The following XKR4 variants were observed in gnomAD, a reference collection of about 807,000 sequenced individuals.
XKR4 encodes the protein XK related 4, also known as XK-related protein 4.
XKR4 carries 12 observed loss-of-function variants against 53.9 expected under a neutral mutation model. The observed-to-expected ratio is 0.22, with a 90% confidence interval of 0.14 to 0.36. XKR4 has a LOEUF of 0.36. XKR4 is among the 10% of genes least tolerant of loss of function. The pLI, the probability that XKR4 is intolerant of heterozygous loss-of-function variation, is 1.00. For missense variants in XKR4, 799 were observed against 859.5 expected (o/e 0.93, Z 0.88); for synonymous variants, 354 against 362.4 (o/e 0.98, Z 0.26).
In XKR4 at chr8:55,329,078, C is replaced by A. The variant is rs887980570; in HGVS notation, c.807-28600C>A. On this transcript the variant is annotated intron_variant, in intron 1 of 2. Coordinates refer to ENST00000327381, the MANE Select transcript of XKR4 (RefSeq NM_052898.2). The stretch of plus-strand genomic sequence containing the variant: ...CCTCAGTGAATATGCATTGAATCTT[C>A]ATAACAATCCTGATTTAATAGTGTT... Among the ~76,000 whole-genome samples, 7 of 152,152 alleles carry A rather than the reference C, an allele frequency of 4.6e-5. No homozygotes were observed. In the South Asian group the frequency reaches 6.2e-4, roughly 14 times the overall value.
At chr8:55,333,051 G>T (rs973120358) in intron 1 of XKR4, among the ~76,000 whole-genome samples, 1 of 151,132 alleles carries the variant, frequency 6.6e-6, no homozygotes, top group Non-Finnish European at 1.5e-5. Context: ...ATATTTTTTA[G>T]CTCCAGGATT....
At chr8:55,288,961 G>A (rs1818945641) in intron 1 of XKR4, among the ~76,000 whole-genome samples, 1 of 152,030 alleles carries the variant, frequency 6.6e-6, no homozygotes, top group Non-Finnish European at 1.5e-5. Context: ...TGGTTATCTG[G>A]ACATCCCACC....
At chr8:55,485,400 AG>A (rs1806177011) in intron 2 of XKR4, among the ~76,000 whole-genome samples, 1 of 152,232 alleles carries the variant, frequency 6.6e-6, no homozygotes, top group African/African-American at 2.4e-5. Context: ...AGAACTAAAA[AG>A]TTCAGCAAGC....
intron 1 of XKR4, among the ~76,000 whole-genome samples, chr8:55,140,950 T>C (rs1816693744): frequency 1.3e-5 from 2 of 152,238 alleles, no homozygotes; most frequent in African/African-American, 4.8e-5. Flanking sequence ...CATTTTTTAA[T>C]AAACAGTTTT....
intron 2 of XKR4, among the ~76,000 whole-genome samples, chr8:55,448,585 A>T (rs1157834979): frequency 6.6e-6 from 1 of 152,198 alleles, no homozygotes; most frequent in Non-Finnish European, 1.5e-5. Context: ...TAACTAGCAC[A>T]TTTTATTTAT....
chr8:55,436,558 T>C (rs1805179463), intron 2 of XKR4, among the ~76,000 whole-genome samples: 1 of 152,210 alleles, frequency 6.6e-6, no homozygotes, highest in Non-Finnish European at 1.5e-5. Context: ...TTGGACTTCC[T>C]TGGGCCATGC....
intron 1 of XKR4, among the ~76,000 whole-genome samples, chr8:55,186,124 T>A (rs934115783): frequency 7.9e-5 from 12 of 152,302 alleles, no homozygotes; most frequent in Middle Eastern, 3.4e-3. Context: ...CCCACCCTTC[T>A]GGCTGCAAAC....
At chr8:55,349,448 C>A (rs572521187) in intron 1 of XKR4, among the ~76,000 whole-genome samples, 13 of 152,274 alleles carry the variant, frequency 8.5e-5, no homozygotes, top group Admixed American at 2.0e-4. Flanking sequence ...TCAGCCATAT[C>A]ACCTTGGACA....
intron 1 of XKR4, among the ~76,000 whole-genome samples, chr8:55,156,292 A>T (rs145730598): frequency 6.6e-6 from 1 of 152,180 alleles, no homozygotes; most frequent in East Asian, 1.9e-4. Flanking sequence ...AAATGTAAGA[A>T]AAAAACATGA....
chr8:55,108,904 T>C (rs928017861), intron 1 of XKR4, among the ~76,000 whole-genome samples: 3 of 152,144 alleles, frequency 2.0e-5, no homozygotes, highest in Admixed American at 2.0e-4. Flanking sequence ...GATTTTAAGC[T>C]AGAACTCAAT....
intron 1 of XKR4, among the ~76,000 whole-genome samples, chr8:55,213,768 A>G: frequency 6.6e-6 from 1 of 151,192 alleles, no homozygotes. Context: ...CTCTTTCACT[A>G]TCGTAATTTT....
intron 1 of XKR4, among the ~76,000 whole-genome samples, chr8:55,319,532 T>C (rs1389921776): frequency 6.6e-6 from 1 of 152,182 alleles, no homozygotes; most frequent in African/African-American, 2.4e-5. Context: ...TATTTTCTAA[T>C]TTACATTGAT....
intron 1 of XKR4, among the ~76,000 whole-genome samples, chr8:55,184,564 C>T (rs1273484544): frequency 6.6e-6 from 1 of 152,186 alleles, no homozygotes; most frequent in African/African-American, 2.4e-5. Context: ...TATTTTTCTG[C>T]TGTTTTCTTT....
At chr8:55,355,555 T>C (rs1585535765) in intron 1 of XKR4, among the ~76,000 whole-genome samples, 1 of 152,176 alleles carries the variant, frequency 6.6e-6, no homozygotes, top group African/African-American at 2.4e-5. Flanking sequence ...ACAGCCGATA[T>C]CAAGGTACAT....
intron 1 of XKR4, among the ~76,000 whole-genome samples, chr8:55,298,658 A>G (rs1484920777): frequency 6.6e-6 from 1 of 152,142 alleles, no homozygotes; most frequent in East Asian, 1.9e-4. Context: ...TAGGGATCAC[A>G]TTTCAACATG....
intron 1 of XKR4, among the ~76,000 whole-genome samples, chr8:55,127,444 G>C (rs918430186): frequency 2.0e-5 from 3 of 151,362 alleles, no homozygotes; most frequent in African/African-American, 7.3e-5. Context: ...GTAGAGATGG[G>C]GTTTCACCAT....
chr8:55,179,206 C>T lies in XKR4; in HGVS notation c.806+75912C>T, dbSNP rs376083951. On this transcript the variant is annotated intron_variant, in intron 1 of 2. Transcript: ENST00000327381. The stretch of plus-strand genomic sequence containing the variant: ...ACCAAACAATATTTGGAATATCTAC[C>T]TTAGAAACTTTAAAATAAAGCAGGC... 3.3e-5 allele frequency among the ~76,000 whole-genome samples: 5 copies of T among 152,176 alleles called. No homozygotes were observed. The South Asian group carries it at 6.2e-4, about 19-fold the overall frequency.
chr8:55,190,009 C>T (rs1817424222), intron 1 of XKR4, among the ~76,000 whole-genome samples: 1 of 152,224 alleles, frequency 6.6e-6, no homozygotes, highest in Admixed American at 6.5e-5. Context: ...ATCACCAACT[C>T]ACTTGCCCGG....
chr8:55,479,513 T>C (rs1806064212), intron 2 of XKR4, among the ~76,000 whole-genome samples: 1 of 151,884 alleles, frequency 6.6e-6, no homozygotes, highest in South Asian at 2.1e-4. Context: ...AGCAAACACA[T>C]TCAAAAGCTA....
Sources: allele counts gnomAD v4.1 joint callset (sites outside exome capture counted in the v4.1 genomes callset), GRCh38; gene constraint gnomAD v4.1.1; transcripts MANE v1.5; gene names NCBI Gene and HGNC (gene_info 2026-07-23, HGNC 2026-07-21).